RSRC1: variants seen among roughly 807,000 people sequenced by gnomAD.
RSRC1 encodes the protein serine/Arginine-related protein 53.
Under a neutral mutation model 49.1 loss-of-function variants are expected in RSRC1, and 39 were observed. The observed-to-expected ratio is 0.79, with a 90% CI of 0.61 to 1.04. RSRC1 has a LOEUF of 1.04. Ranked by LOEUF, RSRC1 falls within the 50% of genes least tolerant of loss-of-function variation. The pLI, the probability that RSRC1 is intolerant of heterozygous loss-of-function variation, is 0.00. For synonymous variants in RSRC1, 143 were observed against 130.8 expected, an observed-to-expected ratio of 1.09 and a Z score of -0.63; for missense variants, 388 against 402.4, an observed-to-expected ratio of 0.96 and a Z score of 0.31.
chr3:158,197,457 T>G (rs1275229276), intron 3 of RSRC1, among the ~76,000 whole-genome samples: 1 of 152,208 alleles, frequency 6.6e-6, no homozygotes, highest in Admixed American at 6.5e-5. Context: ...AAGCAGCTCC[T>G]GATTTCATTG....
intron 6 of RSRC1, among the ~76,000 whole-genome samples, chr3:158,453,728 TC>T (rs1264984813): frequency 6.6e-6 from 1 of 152,032 alleles, no homozygotes; most frequent in African/African-American, 2.4e-5. Context: ...TCTTCTTAAT[TC>T]CCCGCAGAAA....
chr3:158,310,351 C>T (rs1728060543), intron 5 of RSRC1, among the ~76,000 whole-genome samples: 1 of 151,632 alleles, frequency 6.6e-6, no homozygotes, highest in Admixed American at 6.6e-5. Context: ...GGGGAAGGCT[C>T]TTTTAGAATT....
intron 7 of RSRC1, among the ~76,000 whole-genome samples, chr3:158,511,622 CTTTGGCTA>C (rs1344595456): frequency 6.6e-6 from 1 of 152,132 alleles, no homozygotes; most frequent in Non-Finnish European, 1.5e-5. Context: ...ATTTATAGTC[CTTTGGCTA>C]TATACCCAGT....
intron 4 of RSRC1, among the ~76,000 whole-genome samples, chr3:158,296,435 G>A (rs1053701091): frequency 6.6e-6 from 1 of 151,896 alleles, no homozygotes; most frequent in Non-Finnish European, 1.5e-5. Context: ...TATTTTGTGT[G>A]TGTGTGTGTG....
intron 7 of RSRC1, among the ~76,000 whole-genome samples, chr3:158,507,492 CAAA>C (rs1194623617): frequency 6.6e-6 from 1 of 151,772 alleles, no homozygotes; most frequent in Non-Finnish European, 1.5e-5. Flanking sequence ...ACAGGTACCC[CAAA>C]ATATGTACAA....
intron 7 of RSRC1, among the ~76,000 whole-genome samples, chr3:158,525,416 G>A (rs567420140): frequency 1.3e-5 from 2 of 152,068 alleles, no homozygotes; most frequent in Admixed American, 1.3e-4. Context: ...TGTTGATGAA[G>A]ATGTAGAGCA....
chr3:158,453,737 A>C (rs199779844), intron 6 of RSRC1, among the ~76,000 whole-genome samples: 1 of 152,056 alleles, frequency 6.6e-6, no homozygotes, highest in East Asian at 1.9e-4. Flanking sequence ...TTCCCCGCAG[A>C]AAATTACTGA....
At chr3:158,516,135 TGG>T (rs1740513916) in intron 7 of RSRC1, among the ~76,000 whole-genome samples, 2 of 152,262 alleles carry the variant, frequency 1.3e-5, no homozygotes, top group Non-Finnish European at 2.9e-5. Flanking sequence ...GTTCCATTGC[TGG>T]TGAGGAACTG....
At position 158,545,193 on chromosome 3, in the gene RSRC1, C is replaced by CTTTTTT. The variant is rs58161840; in HGVS notation, c.*939_*944dup. The CTTTTTT allele has an allele frequency of 5.1e-4, 38 of 74,620 alleles. 6 individuals carry two copies. Among genetic ancestry groups the CTTTTTT allele is most frequent in the African/African-American group, 1.5e-3 (29 of 19,786 alleles). The allele number at this position is 74,620 out of a possible 1,614,324, so 4.6% of individuals were successfully genotyped here. A position where few individuals can be genotyped will look rare whatever the true frequency, so the allele number is the denominator to read the frequency against. ...CATGAATATTTCCCGTTTCTATTTT[C>CTTTTTT]TTTTTTTTTTTTTTTTTTTTTTTTT... On this transcript the variant is annotated 3_prime_UTR_variant, in exon 10 of 10. Transcript: ENST00000611884.
intron 6 of RSRC1, among the ~76,000 whole-genome samples, chr3:158,419,549 A>T (rs1468769338): frequency 6.6e-6 from 1 of 151,988 alleles, no homozygotes; most frequent in African/African-American, 2.4e-5. Context: ...AATGACAATA[A>T]GGTTTGTAGA....
At chr3:158,414,633 G>T (rs970595662) in intron 6 of RSRC1, among the ~76,000 whole-genome samples, 1 of 151,918 alleles carries the variant, frequency 6.6e-6, no homozygotes, top group Non-Finnish European at 1.5e-5. Flanking sequence ...TAGGAGAGAT[G>T]ATTACGTGAG....
At chr3:158,500,592 G>C (rs933421565) in intron 7 of RSRC1, among the ~76,000 whole-genome samples, 3 of 151,986 alleles carry the variant, frequency 2.0e-5, no homozygotes, top group Non-Finnish European at 4.4e-5. Context: ...AAGCTAGGAG[G>C]GTTGTATTTT....
intron 7 of RSRC1, among the ~76,000 whole-genome samples, chr3:158,530,903 A>T (rs28503805): frequency 0.2 from 27,391 of 136,342 alleles, 3,219 homozygotes; most frequent in African/African-American, 0.38. Context: ...ATAAAAAAAA[A>T]AATAATAAAT....
At chr3:158,414,535 G>C (rs1287327225) in intron 6 of RSRC1, among the ~76,000 whole-genome samples, 2 of 152,044 alleles carry the variant, frequency 1.3e-5, no homozygotes, top group East Asian at 3.9e-4. Flanking sequence ...CATCCAGCAC[G>C]TGTATTCCAG....
chr3:158,373,038 AC>A (rs1339010622), intron 6 of RSRC1, among the ~76,000 whole-genome samples: 2 of 151,834 alleles, frequency 1.3e-5, no homozygotes, highest in African/African-American at 4.8e-5. Flanking sequence ...TGAATAATTT[AC>A]TTGTATTCTG....
intron 4 of RSRC1, among the ~76,000 whole-genome samples, chr3:158,281,630 G>C (rs541613517): frequency 2.0e-5 from 3 of 152,298 alleles, no homozygotes; most frequent in South Asian, 4.1e-4. Context: ...TAGAAGACAA[G>C]TGAGGAAAGG....
At chr3:158,514,626 A>T (rs946562688) in intron 7 of RSRC1, among the ~76,000 whole-genome samples, 10 of 152,056 alleles carry the variant, frequency 6.6e-5, no homozygotes, top group African/African-American at 9.7e-5. Context: ...GTAGATGTCT[A>T]TTATGTCCGC....
chr3:158,527,614 A>G (rs561885642), intron 7 of RSRC1, among the ~76,000 whole-genome samples: 2 of 152,084 alleles, frequency 1.3e-5, no homozygotes, highest in South Asian at 2.1e-4. Flanking sequence ...ACACCTTTAG[A>G]TAAGTGGTTT....
chr3:158,214,167 G>A (rs534599857), intron 4 of RSRC1, among the ~76,000 whole-genome samples: 1 of 151,882 alleles, frequency 6.6e-6, no homozygotes, highest in South Asian at 2.1e-4. Context: ...TTTGTGTAAG[G>A]GACTTGAGCA....
Sources: allele counts gnomAD v4.1 joint callset (sites outside exome capture counted in the v4.1 genomes callset), GRCh38; gene constraint gnomAD v4.1.1; transcripts MANE v1.5; gene names NCBI Gene and HGNC (gene_info 2026-07-23, HGNC 2026-07-21).